The following IL7R variants were observed in gnomAD, a reference collection of about 807,000 sequenced individuals.
The protein encoded by IL7R is interleukin 7 receptor, also known as interleukin-7 receptor subunit alpha.
A neutral mutation model predicts 47.0 loss-of-function variants in IL7R; 38 were observed. The observed-to-expected ratio is 0.81, with a 90% CI of 0.62 to 1.06. IL7R has a LOEUF of 1.06. Among genes scored for constraint, IL7R ranks in the 50% least tolerant of loss-of-function variants. The probability of loss-of-function intolerance (pLI) is 0.00; values close to 1 mark genes in which losing one functional copy is unlikely to be tolerated. For missense variants in IL7R, 633 were observed against 534.8 expected (o/e 1.18, Z -1.81); for synonymous variants, 221 against 199.8 (o/e 1.11, Z -0.89).
chr5:35,873,899 T>C (rs1760139729), intron 5 of IL7R, among the ~76,000 whole-genome samples: 1 of 152,188 alleles, frequency 6.6e-6, no homozygotes, highest in Non-Finnish European at 1.5e-5. Flanking sequence ...GAAGCTGCCA[T>C]ACATTTTGAA....
intron 3 of IL7R, among the ~76,000 whole-genome samples, chr5:35,868,813 A>G (rs1760001514): frequency 6.6e-6 from 1 of 152,126 alleles, no homozygotes; most frequent in African/African-American, 2.4e-5. Context: ...ACATGCACAT[A>G]AGCACTCACA....
chr5:35,864,364 T>TATTTTC (rs1243016873), intron 2 of IL7R, among the ~76,000 whole-genome samples: 1 of 152,166 alleles, frequency 6.6e-6, no homozygotes, highest in East Asian at 1.9e-4. Context: ...TGTGTATATA[T>TATTTTC]ATTTTCATTT....
In IL7R at chr5:35,875,585, A is replaced by G; in HGVS notation, c.874A>G (p.Lys292Glu). 6.2e-7 allele frequency: 1 copy of G among 1,611,250 alleles called. No homozygotes were observed. Among genetic ancestry groups the G allele is most frequent in the Non-Finnish European group, 8.5e-7 (1 of 1,177,328 alleles). Residue 292 changes from lysine to glutamate, a missense_variant and splice_region_variant, in exon 7 of 8, where the codon AAA (lysine) becomes GAA (glutamate). Coordinates refer to ENST00000303115, the MANE Select transcript of IL7R (RefSeq NM_002185.5). ...TLEHLCKKPRKNLNVSFNPES... is the reference protein window; with the variant it reads ...TLEHLCKKPRENLNVSFNPES... ...GGAACATCTTTGTAAGAAACCAAGA[A>G]AAGTGAGTGTTTTTGGTGCTTAAAA...
rs941058125 is a variant in IL7R at position 35,857,070 on chromosome 5, T to C, written c.82+11T>C. 1.9e-5 allele frequency: 29 copies of C among 1,519,164 alleles called. No individual in the cohort carries two copies. The highest frequency in any genetic ancestry group is 3.3e-5 in the Admixed American group (2 of 59,912). 94.1% of individuals were successfully genotyped at this position (1,519,164 alleles called of 1,614,324 possible). On this transcript the variant is annotated intron_variant, in intron 1 of 7. Coordinates refer to ENST00000303115, the MANE Select transcript of IL7R (RefSeq NM_002185.5). Reference sequence around the variant, plus strand: ...GCTATGCTCAAAATGGTGAGTCATTTCTAAGTTTTCTTATGGATTTTGGAT... The same window carrying C: ...GCTATGCTCAAAATGGTGAGTCATTCCTAAGTTTTCTTATGGATTTTGGAT...
intron 2 of IL7R, among the ~76,000 whole-genome samples, chr5:35,861,870 G>A (rs777976080): frequency 2.0e-5 from 3 of 152,010 alleles, no homozygotes; most frequent in Non-Finnish European, 4.4e-5. Flanking sequence ...ATTCATATCC[G>A]AATGACCTAC....
Position 35,878,316 on chromosome 5 carries a change from A to G in IL7R, c.*1830A>G, listed in dbSNP as rs1760264890. 4.3e-6 allele frequency: 1 copy of G among 233,284 alleles called. No individual in the cohort carries two copies. The highest frequency in any genetic ancestry group is 6.0e-5 in the East Asian group (1 of 16,576). 14.5% of individuals were successfully genotyped at this position (233,284 alleles called of 1,614,324 possible). A position where few individuals can be genotyped will look rare whatever the true frequency, so the allele number is the denominator to read the frequency against. ...CCACCTCCTTGATAGGCATTTATGG[A>G]AAGCCTGCTACATGTCAATCATACT... is the stretch of plus-strand genomic sequence containing the variant. On this transcript the variant is annotated 3_prime_UTR_variant, in exon 8 of 8. Transcript: ENST00000303115.
chr5:35,875,861 A>G, intron 7 of IL7R, 122 bp from the exon 8 acceptor site: 1 of 1,096,058 alleles, frequency 9.1e-7, no homozygotes, highest in Non-Finnish European at 1.4e-6. Context: ...CCATTGAGGA[A>G]CATGCTGGCA....
intron 3 of IL7R, among the ~76,000 whole-genome samples, chr5:35,869,050 A>G (rs901303194): frequency 1.3e-5 from 2 of 152,174 alleles, no homozygotes; most frequent in African/African-American, 4.8e-5. Flanking sequence ...CTGGACAAGC[A>G]GGAAGAGAGG....
At position 35,878,540 on chromosome 5, in the gene IL7R, G is replaced by A. The variant is rs1450465727; in HGVS notation, c.*2054G>A. The A allele has an allele frequency of 1.3e-5, 3 of 232,832 alleles. No homozygotes were observed. Among genetic ancestry groups the A allele is most frequent in the Non-Finnish European group, 2.5e-5 (3 of 117,872 alleles). 14.4% of individuals were successfully genotyped at this position (232,832 alleles called of 1,614,324 possible). ...TGTAAATTTACATGGAGGAAAAGTAGAATCTGCCTGGTTTGTAGGCAGCAG... is the reference window on the plus strand; with the variant it reads ...TGTAAATTTACATGGAGGAAAAGTAAAATCTGCCTGGTTTGTAGGCAGCAG... On this transcript the variant is annotated 3_prime_UTR_variant, in exon 8 of 8. Transcript: ENST00000303115.
chr5:35,865,713 A>T (rs1434752939), intron 2 of IL7R, among the ~76,000 whole-genome samples: 1 of 152,026 alleles, frequency 6.6e-6, no homozygotes, highest in Non-Finnish European at 1.5e-5. Flanking sequence ...ATGGCCATTG[A>T]TGGCTAATAT....
At chr5:35,861,379 C>CCAGT (rs1363038256) in intron 2 of IL7R, among the ~76,000 whole-genome samples, 2 of 152,144 alleles carry the variant, frequency 1.3e-5, no homozygotes, top group Non-Finnish European at 2.9e-5. Context: ...AATCCCAATA[C>CCAGT]CAGTGCTTAC....
Position 35,876,264 on chromosome 5 carries a change from G to A in IL7R, c.1158G>A (p.Arg386=), listed in dbSNP as rs2149905887. Residue 386 remains arginine, a synonymous_variant, in exon 8 of 8, where the codon AGG becomes AGA. Coordinates refer to ENST00000303115, the MANE Select transcript of IL7R (RefSeq NM_002185.5). ...ACGCCCCTATTCTCTCCTCTTCCAG[G>A]TCCCTAGACTGCAGGGAGAGTGGCA... The part of the protein sequence containing the change: ...ACDAPILSSS[R]SLDCRESGKN... 1 of 1,614,060 alleles carries A rather than the reference G, an allele frequency of 6.2e-7. No individual in the cohort carries two copies.
chr5:35,874,361 C>T (rs1760151769), intron 5 of IL7R, 88 bp from the exon 6 acceptor site: 1 of 871,294 alleles, frequency 1.1e-6, no homozygotes. Context: ...AGTGGGCCCA[C>T]ATTACTAAGT....
At chr5:35,865,726 A>G (rs1027513666) in intron 2 of IL7R, among the ~76,000 whole-genome samples, 5 of 152,054 alleles carry the variant, frequency 3.3e-5, no homozygotes, top group Admixed American at 6.6e-5. Flanking sequence ...GCTAATATCC[A>G]GAATCTACAA....
Position 35,877,342 on chromosome 5 carries a change from C to G in IL7R, c.*856C>G, listed in dbSNP as rs1410905039. The G allele has an allele frequency of 4.3e-6, 1 of 232,970 alleles. No homozygotes were observed. Among genetic ancestry groups the G allele is most frequent in the African/African-American group, 2.2e-5 (1 of 45,308 alleles). 14.4% of individuals were successfully genotyped at this position (232,970 alleles called of 1,614,324 possible). A position where few individuals can be genotyped will look rare whatever the true frequency, so the allele number is the denominator to read the frequency against. ...GAAACAGTCTTGCGGGTGTGAAGTC[C>G]CATGACCAGCCATGTCAAAAGAAGG... On this transcript the variant is annotated 3_prime_UTR_variant, in exon 8 of 8. Transcript: ENST00000303115.
chr5:35,861,715 G>A (rs1759825811), intron 2 of IL7R, among the ~76,000 whole-genome samples: 2 of 152,140 alleles, frequency 1.3e-5, no homozygotes, highest in South Asian at 2.1e-4. Flanking sequence ...AAAGAGTCTG[G>A]TTTGAAAGTT....
At chr5:35,875,241 C>T (rs1375545551) in intron 6 of IL7R, among the ~76,000 whole-genome samples, 1 of 152,220 alleles carries the variant, frequency 6.6e-6, no homozygotes, top group Non-Finnish European at 1.5e-5. Context: ...TGTTCCTTCC[C>T]TCTAGGGCTT....
At chr5:35,869,548 T>C (rs1328280184) in intron 3 of IL7R, among the ~76,000 whole-genome samples, 2 of 152,230 alleles carry the variant, frequency 1.3e-5, no homozygotes, top group Non-Finnish European at 2.9e-5. Context: ...AATTAACTTC[T>C]CTGAAATTCA....
chr5:35,864,313 TA>T (rs1185043689), intron 2 of IL7R, among the ~76,000 whole-genome samples: 1 of 152,132 alleles, frequency 6.6e-6, no homozygotes, highest in African/African-American at 2.4e-5. Flanking sequence ...TTGAGACTAT[TA>T]TTTTTTAGGT....
Sources: gnomAD v4.1 joint callset for allele counts (sites outside exome capture counted in the v4.1 genomes callset) on GRCh38, gnomAD v4.1.1 for gene constraint, MANE v1.5 for transcripts, NCBI Gene and HGNC (gene_info 2026-07-23, HGNC 2026-07-21) for gene names.